Variants in NAALADL2 observed in about 807,000 individuals in gnomAD.
The protein encoded by NAALADL2 is N-acetylated alpha-linked acidic dipeptidase like 2.
A neutral mutation model predicts 87.2 loss-of-function variants in NAALADL2; 76 were observed. That is an observed-to-expected ratio of 0.87 (90% CI 0.72 to 1.05). The LOEUF (loss-of-function observed/expected upper bound fraction) is 1.05. Ranked by LOEUF, NAALADL2 falls within the 50% of genes least tolerant of loss-of-function variation. The pLI, the probability that NAALADL2 is intolerant of heterozygous loss-of-function variation, is 0.00. For synonymous variants in NAALADL2, 354 were observed against 331.0 expected (o/e 1.07, Z -0.75); for missense variants, 1,089 against 945.8 (o/e 1.15, Z -1.99).
At chr3:175,411,906 C>T (rs1046744641) in intron 5 of NAALADL2, among the ~76,000 whole-genome samples, 5 of 151,988 alleles carry the variant, frequency 3.3e-5, no homozygotes, top group Admixed American at 2.0e-4. Context: ...GATGCCAGAG[C>T]TTATTCTACA....
chr3:174,941,443 C>T (rs967829507), intron 1 of NAALADL2, among the ~76,000 whole-genome samples: 8 of 151,736 alleles, frequency 5.3e-5, no homozygotes, highest in Non-Finnish European at 8.8e-5. Context: ...GATTATGTGC[C>T]GTATGGTGAT....
At chr3:175,796,388 C>T (rs113183145) in intron 13 of NAALADL2, among the ~76,000 whole-genome samples, 5 of 152,120 alleles carry the variant, frequency 3.3e-5, no homozygotes, top group African/African-American at 7.2e-5. Flanking sequence ...ATCTACCACA[C>T]GTGTCTTTGT....
At chr3:175,302,535 A>C (rs1453212746) in intron 4 of NAALADL2, among the ~76,000 whole-genome samples, 1 of 152,178 alleles carries the variant, frequency 6.6e-6, no homozygotes, top group Non-Finnish European at 1.5e-5. Context: ...TCATCTCCAC[A>C]TATAGGCTAA....
rs199720628 is a variant in NAALADL2, at chr3:175,436,350, T to C, written c.1091-10879T>C. Among the ~76,000 whole-genome samples, 743 of 142,866 alleles carry C rather than the reference T, an allele frequency of 5.2e-3. 1 individual carries two copies. The highest frequency in any genetic ancestry group is 0.015 in the East Asian group (63 of 4,224). The allele number at this position is 142,866 out of a possible 152,430, so 93.7% of individuals were successfully genotyped here. A position where few individuals can be genotyped will look rare whatever the true frequency, so the allele number is the denominator to read the frequency against. ...CTTTATAGCAGCATGATTTATGGTC[T>C]TTTGGGTATATACCCACTAATGGGA... is the stretch of plus-strand genomic sequence containing the variant. On this transcript the variant is annotated intron_variant, in intron 5 of 13. Coordinates refer to ENST00000454872, the MANE Select transcript of NAALADL2 (RefSeq NM_207015.3).
intron 1 of NAALADL2, among the ~76,000 whole-genome samples, chr3:175,073,749 C>T (rs868125485): frequency 6.6e-6 from 1 of 151,912 alleles, no homozygotes; most frequent in South Asian, 2.1e-4. Flanking sequence ...AAGAGAAGAA[C>T]GGAGTAGAAA....
chr3:175,734,503 G>A (rs1457722976), intron 11 of NAALADL2, among the ~76,000 whole-genome samples: 3 of 152,078 alleles, frequency 2.0e-5, no homozygotes, highest in African/African-American at 7.2e-5. Context: ...CTTGCAGTGA[G>A]CCAAGATTGT....
chr3:175,453,390 T>G (rs1721859656), intron 6 of NAALADL2, among the ~76,000 whole-genome samples: 1 of 152,134 alleles, frequency 6.6e-6, no homozygotes, highest in African/African-American at 2.4e-5. Context: ...ATTATTCTGT[T>G]CAGTATTATC....
At chr3:174,715,780 T>G (rs749861950) in intron 2 of NAALADL2, among the ~76,000 whole-genome samples, 3 of 152,146 alleles carry the variant, frequency 2.0e-5, no homozygotes, top group Non-Finnish European at 4.4e-5. Context: ...CTGTCCTTAC[T>G]TTGTATCTGG....
chr3:175,675,954 A>G (rs1734713408), intron 11 of NAALADL2: 1 of 152,136 alleles, frequency 6.6e-6, no homozygotes, highest in East Asian at 1.9e-4. Context: ...TATATTGAAC[A>G]TAGTTTTTCA....
At chr3:175,106,692 C>T (rs995453143) in intron 2 of NAALADL2, among the ~76,000 whole-genome samples, 2 of 152,008 alleles carry the variant, frequency 1.3e-5, no homozygotes, top group African/African-American at 4.8e-5. Flanking sequence ...TGTTTGTATG[C>T]TTCTCTCTTT....
chr3:174,509,220 G>T (rs1030159167), intron 1 of NAALADL2, among the ~76,000 whole-genome samples: 3 of 151,744 alleles, frequency 2.0e-5, no homozygotes, highest in Admixed American at 6.6e-5. Flanking sequence ...AGCATTCAGT[G>T]CTTTCAGTAT....
intron 13 of NAALADL2, among the ~76,000 whole-genome samples, chr3:175,755,632 T>A (rs577942058): frequency 6.6e-6 from 1 of 151,718 alleles, no homozygotes; most frequent in East Asian, 1.9e-4. Context: ...ACAGAAAAAA[T>A]GAGTAAGAAG....
At chr3:174,875,153 C>T (rs904737920) in intron 1 of NAALADL2, among the ~76,000 whole-genome samples, 1 of 135,232 alleles carries the variant, frequency 7.4e-6, no homozygotes, top group South Asian at 2.5e-4. Context: ...TCACGATTGG[C>T]GAAAAAAATG....
At chr3:175,613,461 T>C (rs1313213112) in intron 10 of NAALADL2, among the ~76,000 whole-genome samples, 1 of 152,252 alleles carries the variant, frequency 6.6e-6, no homozygotes, top group Non-Finnish European at 1.5e-5. Context: ...ATTTTATTCA[T>C]GTCTGAAATT....
chr3:175,720,014 A>T (rs890379718), intron 11 of NAALADL2, among the ~76,000 whole-genome samples: 1 of 152,180 alleles, frequency 6.6e-6, no homozygotes, highest in Non-Finnish European at 1.5e-5. Flanking sequence ...ACTTTCTAAT[A>T]TAAACTTGGG....
intron 11 of NAALADL2, among the ~76,000 whole-genome samples, chr3:175,642,476 C>T (rs1459017953): frequency 2.6e-5 from 4 of 151,846 alleles, no homozygotes; most frequent in African/African-American, 9.7e-5. Flanking sequence ...CAGAAACATG[C>T]CCAAGATATT....
intron 2 of NAALADL2, among the ~76,000 whole-genome samples, chr3:174,642,986 T>C (rs1723405756): frequency 6.6e-6 from 1 of 151,998 alleles, no homozygotes; most frequent in Admixed American, 6.5e-5. Context: ...CTCACTATGT[T>C]ACCCAGCCTG....
chr3:174,765,216 A>G (rs1713657629), intron 3 of NAALADL2, among the ~76,000 whole-genome samples: 1 of 151,902 alleles, frequency 6.6e-6, no homozygotes, highest in South Asian at 2.1e-4. Flanking sequence ...AAAGTTCAGT[A>G]CTAGAACCCA....
At chr3:174,890,241 A>G (rs1438022512) in intron 1 of NAALADL2, among the ~76,000 whole-genome samples, 1 of 152,232 alleles carries the variant, frequency 6.6e-6, no homozygotes, top group African/African-American at 2.4e-5. Flanking sequence ...ATTGAGAAGT[A>G]TAAGGAACAG....
Sources: gnomAD v4.1 joint callset for allele counts (sites outside exome capture counted in the v4.1 genomes callset) on GRCh38, gnomAD v4.1.1 for gene constraint, MANE v1.5 for transcripts, NCBI Gene and HGNC (gene_info 2026-07-23, HGNC 2026-07-21) for gene names.